Variants in CASD1 observed in about 807,000 individuals in gnomAD.
The protein encoded by CASD1 is N-acetylneuraminate (7)9-O-acetyltransferase.
A neutral mutation model predicts 100.0 loss-of-function variants in CASD1; 41 were observed. That is an observed-to-expected ratio of 0.41 (90% CI 0.32 to 0.53). CASD1 has a LOEUF of 0.53. CASD1 is among the 20% of genes least tolerant of loss of function. The pLI is 0.25. For synonymous variants in CASD1, 321 were observed against 315.6 expected, an observed-to-expected ratio of 1.02 and a Z score of -0.18; for missense variants, 774 against 948.7, an observed-to-expected ratio of 0.82 and a Z score of 2.42.
intron 3 of CASD1, among the ~76,000 whole-genome samples, chr7:94,526,114 C>G (rs556739467): frequency 6.6e-6 from 1 of 152,290 alleles, no homozygotes; most frequent in South Asian, 2.1e-4. Flanking sequence ...TCCTGTCACT[C>G]AGGGCCTATA....
chr7:94,511,093 T>G (rs937666244), intron 1 of CASD1, among the ~76,000 whole-genome samples: 1 of 151,302 alleles, frequency 6.6e-6, no homozygotes, highest in African/African-American at 2.5e-5. Flanking sequence ...TGATTGATTG[T>G]TTTTTTTCCT....
downstream of CASD1, among the ~76,000 whole-genome samples, chr7:94,558,115 T>C (rs1178839603): frequency 6.6e-6 from 1 of 152,162 alleles, no homozygotes; most frequent in African/African-American, 2.4e-5. Flanking sequence ...CCTCAATCGT[T>C]CCTCCTTTCC....
chr7:94,625,491 T>TA, the CASD1 span: 1 of 152,080 alleles, frequency 6.6e-6, no homozygotes, highest in Admixed American at 6.6e-5. Context: ...TCTCCTAGCC[T>TA]AAGCCCTTAC....
At chr7:94,618,699 G>T in the CASD1 span, 5 of 1,408,732 alleles carry the variant, frequency 3.5e-6, no homozygotes, top group South Asian at 1.2e-5. Context: ...TAATAAGTTT[G>T]ATAAGATCAC....
the CASD1 span, among the ~76,000 whole-genome samples, chr7:94,576,088 C>T: frequency 6.6e-6 from 1 of 152,162 alleles, no homozygotes; most frequent in African/African-American, 2.4e-5. Context: ...CTCTCTCTCT[C>T]TTCTCCTTCT....
the CASD1 span, among the ~76,000 whole-genome samples, chr7:94,566,985 T>C: frequency 6.6e-6 from 1 of 152,110 alleles, no homozygotes; most frequent in African/African-American, 2.4e-5. Context: ...CCTCTAGCAG[T>C]TTATACTTGA....
At chr7:94,615,112 G>A in the CASD1 span, among the ~76,000 whole-genome samples, 3 of 152,206 alleles carry the variant, frequency 2.0e-5, no homozygotes, top group African/African-American at 7.2e-5. Flanking sequence ...TGTAAGCCCA[G>A]CACTCTGGGA....
chr7:94,560,933 T>G (rs1796328999), downstream of CASD1, among the ~76,000 whole-genome samples: 1 of 152,182 alleles, frequency 6.6e-6, no homozygotes, highest in Admixed American at 6.6e-5. Context: ...AATTGCTACA[T>G]CTATTACGTG....
chr7:94,599,730 A>G, the CASD1 span: 1 of 1,581,972 alleles, frequency 6.3e-7, no homozygotes, highest in African/African-American at 1.3e-5. Context: ...TTCCCTAGAA[A>G]CAAAACAAAA....
At chr7:94,598,477 A>G in the CASD1 span, 3 of 333,718 alleles carry the variant, frequency 9.0e-6, no homozygotes, top group Non-Finnish European at 1.1e-5. Context: ...TCTTTTTTTT[A>G]TAATTAACTC....
At chr7:94,598,467 TC>T in the CASD1 span, 1 of 325,076 alleles carries the variant, frequency 3.1e-6, no homozygotes, top group South Asian at 3.5e-5. Context: ...AGGATATGGT[TC>T]TTTTTTTTAT....
the CASD1 span, among the ~76,000 whole-genome samples, chr7:94,634,071 G>A: frequency 6.6e-6 from 1 of 152,074 alleles, no homozygotes; most frequent in Non-Finnish European, 1.5e-5. Context: ...AAGTCATAAA[G>A]TATTGTCAAT....
chr7:94,588,467 TG>T, the CASD1 span: 1 of 1,358,680 alleles, frequency 7.4e-7, no homozygotes, highest in East Asian at 2.9e-5. Context: ...CCTCCATGGA[TG>T]CTTTTGCTCT....
Position 94,547,311 on chromosome 7 carries a change from C to T in CASD1, c.1713+136C>T, listed in dbSNP as rs1795727756. 7.2e-6 allele frequency: 4 copies of T among 554,846 alleles called. No homozygotes were observed. The East Asian group carries it at 1.2e-4, about 17-fold the overall frequency. The allele number at this position is 554,846 out of a possible 1,614,324, so 34.4% of individuals were successfully genotyped here. On this transcript the variant is annotated intron_variant, in intron 13 of 17. Transcript: ENST00000297273. ...CTGTAATAAAAGTGTCACTCTGAAG[C>T]TGAGTACTCAGTGTAGTTATTTTGA...
the CASD1 span, among the ~76,000 whole-genome samples, chr7:94,583,985 T>G: frequency 1.3e-5 from 2 of 152,198 alleles, no homozygotes; most frequent in African/African-American, 4.8e-5. Context: ...GATCACTTTT[T>G]CACGGGGAAC....
the CASD1 span, chr7:94,623,590 T>C: frequency 1.7e-6 from 1 of 588,004 alleles, no homozygotes; most frequent in South Asian, 2.3e-5. Flanking sequence ...AAATAATTAG[T>C]CAGGTCTATT....
the CASD1 span, among the ~76,000 whole-genome samples, chr7:94,616,679 A>C: frequency 3.9e-5 from 6 of 152,198 alleles, no homozygotes; most frequent in African/African-American, 1.4e-4. Context: ...AACAGGGCTA[A>C]AAAATTGTTT....
At chr7:94,608,488 C>T in the CASD1 span, among the ~76,000 whole-genome samples, 1 of 152,160 alleles carries the variant, frequency 6.6e-6, no homozygotes, top group African/African-American at 2.4e-5. Flanking sequence ...TGTCCATATG[C>T]CAGTTCTTCC....
chr7:94,518,693 A>G (rs956221930), intron 3 of CASD1, among the ~76,000 whole-genome samples: 1 of 152,048 alleles, frequency 6.6e-6, no homozygotes, highest in African/African-American at 2.4e-5. Flanking sequence ...AAAAAAACAT[A>G]CTAGTAATCT....
Sources: allele counts gnomAD v4.1 joint callset (sites outside exome capture counted in the v4.1 genomes callset), GRCh38; gene constraint gnomAD v4.1.1; transcripts MANE v1.5; gene names NCBI Gene and HGNC (gene_info 2026-07-23, HGNC 2026-07-21).